ELAPOR2: variants seen among roughly 807,000 people sequenced by gnomAD.
ELAPOR2 encodes the protein endosome/lysosome-associated apoptosis and autophagy regulator family member 2.
A neutral mutation model predicts 120.7 loss-of-function variants in ELAPOR2; 89 were observed. That is an observed-to-expected ratio of 0.74 (90% CI 0.62 to 0.88). ELAPOR2 has a LOEUF of 0.88. Ranked by LOEUF, ELAPOR2 falls within the 40% of genes least tolerant of loss-of-function variation. The pLI, the probability that ELAPOR2 is intolerant of heterozygous loss-of-function variation, is 0.00. For synonymous variants in ELAPOR2, 444 were observed against 444.9 expected (o/e 1.00, Z 0.03); for missense variants, 1,134 against 1,251.6 (o/e 0.91, Z 1.42).
chr7:86,978,114 G>A (rs2116538938), intron 1 of ELAPOR2, among the ~76,000 whole-genome samples: 1 of 152,254 alleles, frequency 6.6e-6, no homozygotes, highest in African/African-American at 2.4e-5. Flanking sequence ...CATGGGAGCA[G>A]TTTCCCCATG....
chr7:87,039,162 AAAG>A (rs1794680915), intron 1 of ELAPOR2, among the ~76,000 whole-genome samples: 1 of 152,178 alleles, frequency 6.6e-6, no homozygotes, highest in Admixed American at 6.5e-5. Context: ...GGAAAACCTA[AAAG>A]AAGTGGACTA....
chr7:86,897,488 T>G lies in ELAPOR2; in HGVS notation c.2685+18A>C, dbSNP rs1788492172. 6.2e-7 allele frequency: 1 copy of G among 1,609,246 alleles called. No homozygotes were observed. Among genetic ancestry groups the G allele is most frequent in the South Asian group, 1.1e-5 (1 of 90,354 alleles). Reference sequence around the variant, plus strand: ...CAACTATAATGCCGAAGCTCTGCCTTGAGAGTTTATCCCTTACCTGAAATC... The same window carrying G: ...CAACTATAATGCCGAAGCTCTGCCTGGAGAGTTTATCCCTTACCTGAAATC... On this transcript the variant is annotated intron_variant, in intron 19 of 21. Coordinates refer to ENST00000450689, the MANE Select transcript of ELAPOR2 (RefSeq NM_001142749.3).
chr7:87,037,997 T>C (rs903858092), intron 1 of ELAPOR2, among the ~76,000 whole-genome samples: 1 of 152,200 alleles, frequency 6.6e-6, no homozygotes, highest in Non-Finnish European at 1.5e-5. Context: ...ATCTGTACTA[T>C]CATCATAGAC....
chr7:86,882,246 A>G (rs1475461045), intron 21 of ELAPOR2, among the ~76,000 whole-genome samples: 1 of 152,150 alleles, frequency 6.6e-6, no homozygotes, highest in Non-Finnish European at 1.5e-5. Flanking sequence ...GACTTTAGGG[A>G]TACAAAAATG....
At chr7:86,914,606 C>T (rs1789471421) in intron 13 of ELAPOR2, 117 bp downstream of exon 13, 10 of 760,288 alleles carry the variant, frequency 1.3e-5, no homozygotes, top group South Asian at 2.7e-5. Flanking sequence ...TTATTCATTC[C>T]ATATTTTTTA....
chr7:86,936,849 T>C (rs956138207), intron 8 of ELAPOR2, among the ~76,000 whole-genome samples: 6 of 152,088 alleles, frequency 3.9e-5, no homozygotes, highest in Non-Finnish European at 7.4e-5. Context: ...CTTTTGCATA[T>C]TTTCATTGTA....
chr7:86,910,043 C>T, intron 15 of ELAPOR2, 42 bp from the exon 16 acceptor site: 2 of 1,484,044 alleles, frequency 1.3e-6, no homozygotes, highest in Non-Finnish European at 1.8e-6. Context: ...TATTGGATGT[C>T]AATCTCTAAA....
At chr7:87,022,025 C>G (rs1206187280) in intron 1 of ELAPOR2, among the ~76,000 whole-genome samples, 2 of 152,026 alleles carry the variant, frequency 1.3e-5, no homozygotes, top group East Asian at 3.8e-4. Flanking sequence ...TAAATAAGGC[C>G]TCAGCAGTTG....
intron 1 of ELAPOR2, among the ~76,000 whole-genome samples, chr7:87,056,708 C>T (rs1795274163): frequency 6.6e-6 from 1 of 152,178 alleles, no homozygotes; most frequent in African/African-American, 2.4e-5. Context: ...TTACCCATAA[C>T]CTAGTTTTTG....
chr7:86,929,656 G>C (rs1264872111), intron 8 of ELAPOR2, among the ~76,000 whole-genome samples: 1 of 151,908 alleles, frequency 6.6e-6, no homozygotes, highest in Admixed American at 6.6e-5. Context: ...CGGCTTTGCT[G>C]CTTTTCTCTT....
intron 2 of ELAPOR2, among the ~76,000 whole-genome samples, chr7:86,954,023 A>G (rs1791373131): frequency 6.6e-6 from 1 of 152,246 alleles, no homozygotes; most frequent in South Asian, 2.1e-4. Context: ...AGGTTTAAAT[A>G]TGCAGGTGTG....
intron 18 of ELAPOR2, among the ~76,000 whole-genome samples, chr7:86,902,186 T>TTGTG (rs1788757994): frequency 6.6e-6 from 1 of 150,618 alleles, no homozygotes; most frequent in African/African-American, 2.5e-5. Flanking sequence ...GTTTGTTTGT[T>TTGTG]TTGTTTTGAG....
At chr7:86,910,065 C>A in intron 15 of ELAPOR2, 64 bp from the exon 16 acceptor site, 1 of 1,299,360 alleles carries the variant, frequency 7.7e-7, no homozygotes, top group Non-Finnish European at 1.1e-6. Context: ...TTAATCTTGA[C>A]TAGCTAGTGA....
chr7:86,942,334 A>T (rs1790834498), intron 4 of ELAPOR2, among the ~76,000 whole-genome samples: 1 of 152,016 alleles, frequency 6.6e-6, no homozygotes, highest in South Asian at 2.1e-4. Flanking sequence ...AGCCTAGCTC[A>T]TTAGAGAGAG....
intron 21 of ELAPOR2, among the ~76,000 whole-genome samples, chr7:86,884,016 G>A (rs1290558378): frequency 6.6e-6 from 1 of 152,134 alleles, no homozygotes; most frequent in Non-Finnish European, 1.5e-5. Context: ...TGAAAGGATG[G>A]AGGGACGGAT....
chr7:86,894,143 T>C (rs1295623041), intron 19 of ELAPOR2, among the ~76,000 whole-genome samples: 1 of 152,130 alleles, frequency 6.6e-6, no homozygotes, highest in Non-Finnish European at 1.5e-5. Context: ...TTACTCACTT[T>C]GGGGAAAAGT....
At chr7:87,000,025 T>G (rs572203930) in intron 1 of ELAPOR2, among the ~76,000 whole-genome samples, 6 of 152,056 alleles carry the variant, frequency 3.9e-5, no homozygotes, top group Non-Finnish European at 8.8e-5. Flanking sequence ...CAGATTAACC[T>G]CACAGAACAC....
rs2116386319 is a variant in ELAPOR2 at position 86,947,730 on chromosome 7, T to C, written c.503A>G (p.Asn168Ser). Residue 168 changes from asparagine (N) to serine (S), a missense_variant, in exon 3 of 22, where the codon AAC (asparagine) becomes AGC (serine). Physicochemically the swap from Asn to Ser is conservative, Grantham distance 46. Coordinates refer to ENST00000450689, the MANE Select transcript of ELAPOR2 (RefSeq NM_001142749.3). ...GPSDSRPDGC[N>S]NSSWIPRGNY... is the part of the protein sequence containing the mutation. ...AAAGGCTGCTTTGGATTCTTACTTG[T>C]TACAGCCGTCTGGCCTGCTGTCAGA... The C allele has an allele frequency of 6.4e-7, 1 of 1,550,514 alleles. No homozygotes were observed. The highest frequency in any genetic ancestry group is 8.7e-7 in the Non-Finnish European group (1 of 1,146,012).
chr7:87,049,430 C>T (rs916272856), intron 1 of ELAPOR2, among the ~76,000 whole-genome samples: 1 of 152,058 alleles, frequency 6.6e-6, no homozygotes, highest in Non-Finnish European at 1.5e-5. Flanking sequence ...CACAGGCTCC[C>T]GCCACCATGC....
Sources: gnomAD v4.1 joint callset for allele counts (sites outside exome capture counted in the v4.1 genomes callset) on GRCh38, gnomAD v4.1.1 for gene constraint, MANE v1.5 for transcripts, NCBI Gene and HGNC (gene_info 2026-07-23, HGNC 2026-07-21) for gene names.